The following ARIH1 variants were observed in gnomAD, a reference collection of about 807,000 sequenced individuals.
The protein encoded by ARIH1 is ariadne RBR E3 ubiquitin protein ligase 1.
In ARIH1, 8 loss-of-function variants were observed where a neutral mutation model predicts 85.0. The observed-to-expected ratio is 0.09, with a 90% CI of 0.06 to 0.17. The LOEUF is 0.17. ARIH1 is among the 10% of genes least tolerant of loss of function. The probability of loss-of-function intolerance (pLI) is 1.00; values close to 1 mark genes in which losing one functional copy is unlikely to be tolerated. For missense variants in ARIH1, 311 were observed against 718.1 expected (o/e 0.43, Z 6.48); for synonymous variants, 238 against 253.6 (o/e 0.94, Z 0.59).
chr15:72,544,004 T>C (rs984471534), intron 2 of ARIH1, among the ~76,000 whole-genome samples: 19 of 152,148 alleles, frequency 1.2e-4, no homozygotes, highest in African/African-American at 4.6e-4. Flanking sequence ...TGCTCTACTA[T>C]CTTCTGTCCA....
chr15:72,555,788 G>C (rs1025602115), intron 4 of ARIH1, 64 bp from the exon 5 acceptor site: 10 of 1,395,734 alleles, frequency 7.2e-6, no homozygotes, highest in Non-Finnish European at 1.0e-5. Context: ...AAAGTGCCTG[G>C]CGATGGTAAG....
chr15:72,474,761 A>G lies in ARIH1; in HGVS notation c.122A>G (p.Asp41Gly). 6.4e-7 allele frequency: 1 copy of G among 1,550,822 alleles called. No individual in the cohort carries two copies. Among genetic ancestry groups the G allele is most frequent in the Non-Finnish European group, 8.7e-7 (1 of 1,149,060 alleles). ...DDDEPDDDTL[D>G]LGEVELVEPG... ...GACGAGCCGGACGATGATACCCTGG[A>G]TCTGGGCGAGGTGGAGCTGGTGGAG... Residue 41 changes from aspartate (D) to glycine (G), a missense_variant, in exon 1 of 14, where the codon GAT (aspartate) becomes GGT (glycine). Transcript: ENST00000379887.
At chr15:72,557,337 TAAAG>T (rs2064178734) in intron 5 of ARIH1, among the ~76,000 whole-genome samples, 2 of 152,236 alleles carry the variant, frequency 1.3e-5, no homozygotes, top group South Asian at 2.1e-4. Flanking sequence ...ATTAGAGAAG[TAAAG>T]AAACAAAAGA....
intron 1 of ARIH1, among the ~76,000 whole-genome samples, chr15:72,489,742 G>A (rs1385550361): frequency 6.6e-6 from 1 of 152,140 alleles, no homozygotes; most frequent in Non-Finnish European, 1.5e-5. Flanking sequence ...GAGAATCTTA[G>A]CGTATTGCTG....
At chr15:72,560,345 A>G (rs932471361) in intron 5 of ARIH1, among the ~76,000 whole-genome samples, 7 of 152,230 alleles carry the variant, frequency 4.6e-5, no homozygotes, top group African/African-American at 1.7e-4. Flanking sequence ...GGCTTCCTTG[A>G]GTAATACTTT....
At chr15:72,569,448 A>T (rs2064234394) in intron 9 of ARIH1, among the ~76,000 whole-genome samples, 1 of 152,206 alleles carries the variant, frequency 6.6e-6, no homozygotes, top group African/African-American at 2.4e-5. Flanking sequence ...TAGCCACAAA[A>T]TGAATTTACC....
At chr15:72,569,462 C>T (rs767704765) in intron 9 of ARIH1, among the ~76,000 whole-genome samples, 1 of 152,154 alleles carries the variant, frequency 6.6e-6, no homozygotes, top group Admixed American at 6.5e-5. Context: ...ATTTACCAAT[C>T]AAGGTCTGAT....
At chr15:72,495,227 G>C (rs1463538032) in intron 1 of ARIH1, among the ~76,000 whole-genome samples, 1 of 152,206 alleles carries the variant, frequency 6.6e-6, no homozygotes, top group African/African-American at 2.4e-5. Flanking sequence ...TGGGGGAAAT[G>C]GGGCGTGACT....
chr15:72,570,315 G>T lies in ARIH1; in HGVS notation c.1157+8G>T. ...ACCACATGGATCTGCCTGGTAGGTT[G>T]GGGAAATTAAGGGAAGAATGTGTTT... On this transcript the variant is annotated splice_region_variant and intron_variant, in intron 10 of 13. Coordinates refer to ENST00000379887, the MANE Select transcript of ARIH1 (RefSeq NM_005744.5). 6.2e-7 allele frequency: 1 copy of T among 1,613,632 alleles called. No individual in the cohort carries two copies. Among genetic ancestry groups the T allele is most frequent in the Non-Finnish European group, 8.5e-7 (1 of 1,179,806 alleles).
At chr15:72,493,585 C>T (rs542773993) in intron 1 of ARIH1, among the ~76,000 whole-genome samples, 48 of 152,156 alleles carry the variant, frequency 3.2e-4, no homozygotes, top group African/African-American at 2.2e-4. Flanking sequence ...ATATTTCCTC[C>T]GACTCAGAAT....
chr15:72,555,789 C>T (rs1490973975), intron 4 of ARIH1, 63 bp from the exon 5 acceptor site: 25 of 1,404,036 alleles, frequency 1.8e-5, no homozygotes, highest in South Asian at 1.3e-4. Flanking sequence ...AAGTGCCTGG[C>T]GATGGTAAGC....
intron 1 of ARIH1, among the ~76,000 whole-genome samples, chr15:72,497,427 A>T (rs1449549467): frequency 1.3e-5 from 2 of 150,688 alleles, no homozygotes; most frequent in African/African-American, 2.4e-5. Flanking sequence ...TTACTTGCTA[A>T]ATGATAGCAG....
intron 11 of ARIH1, among the ~76,000 whole-genome samples, chr15:72,574,344 CTAAT>C (rs1454603970): frequency 9.2e-5 from 14 of 152,316 alleles, no homozygotes; most frequent in East Asian, 3.9e-4. Context: ...GGTTGATTGA[CTAAT>C]TGATTGGGAG....
chr15:72,589,494 T>C lies in ARIH1; in HGVS notation c.*6202T>C, dbSNP rs1335657239. 3 of 152,244 alleles carry C rather than the reference T, an allele frequency of 2.0e-5. No homozygotes were observed. The highest frequency in any genetic ancestry group is 4.8e-5 in the African/African-American group (2 of 41,458). 9.4% of individuals were successfully genotyped at this position (152,244 alleles called of 1,614,324 possible). On this transcript the variant is annotated 3_prime_UTR_variant, in exon 14 of 14. Transcript: ENST00000379887. ...GGTATTGTCTACTATCTGTACATCA[T>C]TCTCTTACAGCTCTTACTGCTGCTT...
chr15:72,552,346 G>T (rs764966393), intron 3 of ARIH1, among the ~76,000 whole-genome samples: 4 of 152,162 alleles, frequency 2.6e-5, no homozygotes, highest in Non-Finnish European at 5.9e-5. Context: ...GGAGTGCAAA[G>T]GTGCGATCTT....
chr15:72,567,231 T>C (rs1755281358), intron 9 of ARIH1, 54 bp downstream of exon 9: 1 of 1,451,822 alleles, frequency 6.9e-7, no homozygotes, highest in Admixed American at 1.9e-5. Flanking sequence ...GGATTGGTAC[T>C]TTGGCATTAG....
intron 2 of ARIH1, among the ~76,000 whole-genome samples, chr15:72,539,266 A>G (rs2064096077): frequency 1.3e-5 from 2 of 152,210 alleles, no homozygotes; most frequent in South Asian, 4.1e-4. Context: ...AACAGTGTGG[A>G]TAGTTAAGAA....
chr15:72,489,736 A>G (rs1244457458), intron 1 of ARIH1, among the ~76,000 whole-genome samples: 1 of 152,170 alleles, frequency 6.6e-6, no homozygotes. Context: ...ACAGTTGAGA[A>G]TCTTAGCGTA....
intron 11 of ARIH1, among the ~76,000 whole-genome samples, chr15:72,573,623 C>T (rs537363885): frequency 6.6e-6 from 1 of 151,988 alleles, no homozygotes; most frequent in African/African-American, 2.4e-5. Context: ...TTTCACAGAC[C>T]TTCACAATGT....
Sources: gnomAD v4.1 joint callset for allele counts (sites outside exome capture counted in the v4.1 genomes callset) on GRCh38, gnomAD v4.1.1 for gene constraint, MANE v1.5 for transcripts, NCBI Gene and HGNC (gene_info 2026-07-23, HGNC 2026-07-21) for gene names.